The following RBM19 variants were observed in gnomAD, a reference collection of about 807,000 sequenced individuals.
The protein encoded by RBM19 is RNA binding motif protein 19.
Under a neutral mutation model 116.8 loss-of-function variants are expected in RBM19, and 94 were observed. That is an observed-to-expected ratio of 0.80 (90% CI 0.68 to 0.95). The LOEUF (loss-of-function observed/expected upper bound fraction) is 0.95, where lower values mean the gene tolerates loss of function less well. Ranked by LOEUF, RBM19 falls within the 40% of genes least tolerant of loss-of-function variation. The pLI is 0.00. For missense variants in RBM19, 1,161 were observed against 1,220.7 expected, an observed-to-expected ratio of 0.95 and a Z score of 0.73; for synonymous variants, 475 against 494.1, an observed-to-expected ratio of 0.96 and a Z score of 0.51.
intron 21 of RBM19, among the ~76,000 whole-genome samples, chr12:113,876,611 T>G (rs1040794667): frequency 3.3e-5 from 5 of 151,842 alleles, no homozygotes; most frequent in African/African-American, 1.2e-4. Context: ...GGCAACATGG[T>G]GAAACCCCGT....
chr12:113,934,561 C>T (rs147843365), intron 16 of RBM19, among the ~76,000 whole-genome samples: 57 of 152,332 alleles, frequency 3.7e-4, no homozygotes, highest in African/African-American at 1.3e-3. Flanking sequence ...TGCTAGGATA[C>T]TGCCGTGAGC....
At chr12:113,845,917 ACT>A (rs761027789) in intron 22 of RBM19, among the ~76,000 whole-genome samples, 30 of 152,076 alleles carry the variant, frequency 2.0e-4, no homozygotes, top group Non-Finnish European at 3.4e-4. Context: ...ATCTTCCTGG[ACT>A]CTGTTTCCTT....
chr12:113,843,471 GA>G (rs1323365852), intron 23 of RBM19, among the ~76,000 whole-genome samples: 1 of 152,190 alleles, frequency 6.6e-6, no homozygotes, highest in Non-Finnish European at 1.5e-5. Context: ...CCACAGACAG[GA>G]CTGTTCCCCA....
At chr12:113,938,038 C>T (rs1272560853) in intron 15 of RBM19, among the ~76,000 whole-genome samples, 2 of 152,158 alleles carry the variant, frequency 1.3e-5, no homozygotes, top group East Asian at 3.9e-4. Flanking sequence ...TGGGTCAGGG[C>T]ACCTCTCTGG....
At chr12:113,826,319 G>A (rs1001820267) in intron 23 of RBM19, among the ~76,000 whole-genome samples, 1 of 152,218 alleles carries the variant, frequency 6.6e-6, no homozygotes, top group African/African-American at 2.4e-5. Context: ...GAGGGCAGGG[G>A]TTTCTGCCTG....
chr12:113,962,289 C>G lies in RBM19; in HGVS notation c.162G>C (p.Glu54Asp), dbSNP rs1477332290. The change falls in exon 2 of 24, where the codon GAG becomes GAC. Residue 54 changes from glutamate to aspartate, a missense_variant. By Grantham distance (45) the Glu-to-Asp change is conservative (BLOSUM62 2). Coordinates refer to ENST00000261741, the MANE Select transcript of RBM19 (RefSeq NM_016196.4). ...TGAAATGCTTCTGTGCCTTCTGGGC[C>G]TCTTCCTCGGACTTGAAGCCAATAA... ...FGFIGFKSEE[E>D]AQKAQKHFNK... 1 of 1,614,234 alleles carries G rather than the reference C, an allele frequency of 6.2e-7. No individual in the cohort carries two copies. The highest frequency in any genetic ancestry group is 1.1e-5 in the South Asian group (1 of 91,086).
chr12:113,887,050 GA>G (rs1217986089), intron 21 of RBM19, among the ~76,000 whole-genome samples: 3 of 151,962 alleles, frequency 2.0e-5, no homozygotes, highest in African/African-American at 4.8e-5. Context: ...TATTTTGGGG[GA>G]AAAAAATCAC....
intron 16 of RBM19, among the ~76,000 whole-genome samples, chr12:113,934,187 G>A (rs1158374102): frequency 2.0e-5 from 3 of 152,222 alleles, no homozygotes; most frequent in Middle Eastern, 3.4e-3. Context: ...TTCTGGACTC[G>A]AGTGATCCTC....
At chr12:113,872,639 G>A (rs1272368570) in intron 21 of RBM19, among the ~76,000 whole-genome samples, 3 of 56,032 alleles carry the variant, frequency 5.4e-5, no homozygotes, top group Non-Finnish European at 7.5e-5. Flanking sequence ...CTGCCCGGCC[G>A]CCCCTACTGG....
At position 113,946,493 on chromosome 12, in the gene RBM19, G is replaced by A. The variant is rs764372612; in HGVS notation, c.1408-18C>T. On this transcript the variant is annotated intron_variant, in intron 11 of 23. Coordinates refer to ENST00000261741, the MANE Select transcript of RBM19 (RefSeq NM_016196.4). ...ATCCTGCCCTGGATGGGAATGACGG[G>A]AAGGGAGTAAACAGAAGCCTTGCCT... is the stretch of plus-strand genomic sequence containing the variant. 15 of 1,614,148 alleles carry A rather than the reference G, an allele frequency of 9.3e-6. No individual in the cohort carries two copies. The highest frequency in any genetic ancestry group is 4.4e-5 in the South Asian group (4 of 91,072).
intron 23 of RBM19, among the ~76,000 whole-genome samples, chr12:113,829,546 G>A (rs1189772703): frequency 1.3e-5 from 2 of 152,340 alleles, no homozygotes; most frequent in East Asian, 3.9e-4. Context: ...CTATGTGCCA[G>A]GAATGATGCT....
At chr12:113,936,883 G>T in intron 16 of RBM19, 124 bp downstream of exon 16, 2 of 1,296,548 alleles carry the variant, frequency 1.5e-6, no homozygotes, top group Non-Finnish European at 2.1e-6. Flanking sequence ...GAGCCCTGCT[G>T]GTCTCTAGCA....
At chr12:113,847,890 TTC>T (rs1470009819) in intron 22 of RBM19, among the ~76,000 whole-genome samples, 15 of 152,186 alleles carry the variant, frequency 9.9e-5, no homozygotes, top group African/African-American at 3.6e-4. Context: ...TCACAAATCT[TTC>T]TCTCTTCCCT....
chr12:113,848,432 C>T (rs1054797854), intron 22 of RBM19, among the ~76,000 whole-genome samples: 1 of 152,150 alleles, frequency 6.6e-6, no homozygotes, highest in African/African-American at 2.4e-5. Context: ...CTGTCGCAGG[C>T]AGTGTGAGGA....
At chr12:113,937,229 A>T in intron 15 of RBM19, 93 bp from the exon 16 acceptor site, 1 of 1,473,342 alleles carries the variant, frequency 6.8e-7, no homozygotes, top group Non-Finnish European at 9.2e-7. Flanking sequence ...CCCAAGGGTC[A>T]CAGAGGATGG....
At chr12:113,941,173 C>T (rs1244674939) in intron 14 of RBM19, among the ~76,000 whole-genome samples, 2 of 152,208 alleles carry the variant, frequency 1.3e-5, no homozygotes, top group African/African-American at 2.4e-5. Context: ...CTAACAGTCA[C>T]ACCCATCTTA....
intron 5 of RBM19, among the ~76,000 whole-genome samples, chr12:113,958,590 T>G (rs1177813935): frequency 6.6e-6 from 1 of 150,564 alleles, no homozygotes; most frequent in African/African-American, 2.5e-5. Flanking sequence ...CTAAGTCCCC[T>G]GAGTTCCTCG....
rs55991489 is a variant in RBM19 at position 113,836,994 on chromosome 12, TACACACACAC to T, written c.2785+7664_2785+7673del. ...CATACCTGTCCTCCTACTTACTACA[TACACACACAC>T]ACACACACACACACACACACACACA... On this transcript the variant is annotated intron_variant, in intron 23 of 23. Transcript: ENST00000261741. Among the ~76,000 whole-genome samples, 56 of 56,260 alleles carry T rather than the reference TACACACACAC, an allele frequency of 1.0e-3. 2 individuals are homozygous for T. The highest frequency in any genetic ancestry group is 3.1e-3 in the East Asian group (5 of 1,618). The allele number at this position is 56,260 out of a possible 152,430, so 36.9% of individuals were successfully genotyped here.
chr12:113,907,580 CG>C lies in RBM19; in HGVS notation c.2558+7388del, dbSNP rs577093530. ...GAGTGGGGAAATGACCCGGTCCTCG[CG>C]GCCAGCCCTCCGAGGGGGTCAACAG... is the stretch of plus-strand genomic sequence containing the variant. On this transcript the variant is annotated intron_variant, in intron 21 of 23. Coordinates refer to ENST00000261741, the MANE Select transcript of RBM19 (RefSeq NM_016196.4). 3.8e-3 allele frequency among the ~76,000 whole-genome samples: 574 copies of C among 152,266 alleles called. 6 individuals carry two copies. Among genetic ancestry groups the C allele is most frequent in the African/African-American group, 0.013 (554 of 41,520 alleles).
Sources: allele counts gnomAD v4.1 joint callset (sites outside exome capture counted in the v4.1 genomes callset), GRCh38; gene constraint gnomAD v4.1.1; transcripts MANE v1.5; gene names NCBI Gene and HGNC (gene_info 2026-07-23, HGNC 2026-07-21).